The following CDPF1 variants were observed in gnomAD, a reference collection of about 807,000 sequenced individuals.
CDPF1 encodes cysteine rich DPF motif domain containing 1.
Under a neutral mutation model 8.3 loss-of-function variants are expected in CDPF1, and 8 were observed. The observed-to-expected ratio is 0.96, with a 90% confidence interval of 0.57 to 1.74. The LOEUF is 1.74. Ranked by LOEUF, CDPF1 falls within the 40% of genes most tolerant of loss-of-function variation. The pLI is 0.00. For missense variants in CDPF1, 151 were observed against 155.3 expected (o/e 0.97, Z 0.15); for synonymous variants, 62 against 62.9 (o/e 0.99, Z 0.07).
At chr22:46,250,064 C>A (rs1242545752) in intron 1 of CDPF1, among the ~76,000 whole-genome samples, 192 bp downstream of exon 1, 1 of 152,216 alleles carries the variant, frequency 6.6e-6, no homozygotes, top group African/African-American at 2.4e-5. Flanking sequence ...GGGGGACAGT[C>A]CCGTGAGGCC....
Position 46,249,864 on chromosome 22 carries a change from G to A in CDPF1, c.-1+392C>T, listed in dbSNP as rs1936550689. Reference sequence around the variant, plus strand: ...AGCGAGACTCTGTCTCAAAACAAAAGTTACGATCGATCGCGGGTGTGCGTG... The same window carrying A: ...AGCGAGACTCTGTCTCAAAACAAAAATTACGATCGATCGCGGGTGTGCGTG... On this transcript the variant is annotated intron_variant, in intron 1 of 3. Coordinates refer to ENST00000314567, the MANE Select transcript of CDPF1 (RefSeq NM_207327.5). This position sits in a 1 kb window ranked among gnomAD's most constrained non-coding sequence, Gnocchi z 4.6. Among the ~76,000 whole-genome samples the A allele has an allele frequency of 6.6e-6, 1 of 152,236 alleles. No homozygotes were observed. The highest frequency in any genetic ancestry group is 1.5e-5 in the Non-Finnish European group (1 of 68,008).
rs1462779481 is a variant in CDPF1 at position 46,249,872 on chromosome 22, C to A, written c.-1+384G>T. On this transcript the variant is annotated intron_variant, in intron 1 of 3. Transcript: ENST00000314567. This position sits in a 1 kb window ranked among gnomAD's most constrained non-coding sequence, Gnocchi z 4.6. ...TCTGTCTCAAAACAAAAGTTACGAT[C>A]GATCGCGGGTGTGCGTGAACCTGAT... 6.6e-6 allele frequency among the ~76,000 whole-genome samples: 1 copy of A among 152,134 alleles called. No homozygotes were observed. Among genetic ancestry groups the A allele is most frequent in the Non-Finnish European group, 1.5e-5 (1 of 68,024 alleles).
Position 46,249,601 on chromosome 22 carries a change from A to T in CDPF1, c.-1+655T>A, listed in dbSNP as rs938166161. 1.3e-5 allele frequency among the ~76,000 whole-genome samples: 2 copies of T among 152,168 alleles called. No homozygotes were observed. Among genetic ancestry groups the T allele is most frequent in the African/African-American group, 4.8e-5 (2 of 41,434 alleles). On this transcript the variant is annotated intron_variant, in intron 1 of 3. Transcript: ENST00000314567. The surrounding 1 kb of genome is among the most constrained non-coding windows in gnomAD (Gnocchi z 4.6). ...GAGGCGGAGATTGCAGTGAGCCGAG[A>T]TTGTGCCACTGTACTCCAGCCTGGG...
Position 46,246,762 on chromosome 22 carries a change from C to T in CDPF1, c.225+348G>A, listed in dbSNP as rs1289382813. 6.2e-7 allele frequency: 1 copy of T among 1,601,760 alleles called. No individual in the cohort carries two copies. Among genetic ancestry groups the T allele is most frequent in the South Asian group, 1.1e-5 (1 of 88,704 alleles). ...CACACAACAAGTGCTCATGAAAGGA[C>T]AGTCCCTTCTCCTGGAGATCCCTCC... On this transcript the variant is annotated intron_variant, in intron 3 of 3. Coordinates refer to ENST00000314567, the MANE Select transcript of CDPF1 (RefSeq NM_207327.5). This position sits in a 1 kb window ranked among gnomAD's most constrained non-coding sequence, Gnocchi z 7.1.
Position 46,247,370 on chromosome 22 carries a change from G to C in CDPF1, c.114-149C>G, listed in dbSNP as rs1279273945. On this transcript the variant is annotated intron_variant, in intron 2 of 3. Transcript: ENST00000314567. This position sits in a 1 kb window ranked among gnomAD's most constrained non-coding sequence, Gnocchi z 4.3. Reference sequence around the variant, plus strand: ...ATCAGGGCAGGGGACTAGGCCACCCGTGCTGCAGGGCAGTGACAGAAAGGA... The same window carrying C: ...ATCAGGGCAGGGGACTAGGCCACCCCTGCTGCAGGGCAGTGACAGAAAGGA... The C allele has an allele frequency of 3.2e-6, 2 of 625,148 alleles. No homozygotes were observed. Among genetic ancestry groups the C allele is most frequent in the Non-Finnish European group, 5.9e-6 (2 of 340,142 alleles). The allele number at this position is 625,148 out of a possible 1,614,324, so 38.7% of individuals were successfully genotyped here. A position where few individuals can be genotyped will look rare whatever the true frequency, so the allele number is the denominator to read the frequency against.
rs1935253450 is a variant in CDPF1, at chr22:46,246,160, C to A, written c.226-922G>T. On this transcript the variant is annotated intron_variant, in intron 3 of 3. Coordinates refer to ENST00000314567, the MANE Select transcript of CDPF1 (RefSeq NM_207327.5). This position sits in a 1 kb window ranked among gnomAD's most constrained non-coding sequence, Gnocchi z 7.1. Reference sequence around the variant, plus strand: ...GCCCTCCTGCAGTTCTTAGAAAAGACCCTTCGCCATGGAGATCCGCTCACT... The same window carrying A: ...GCCCTCCTGCAGTTCTTAGAAAAGAACCTTCGCCATGGAGATCCGCTCACT... 6.6e-6 allele frequency among the ~76,000 whole-genome samples: 1 copy of A among 152,196 alleles called. No individual in the cohort carries two copies. The highest frequency in any genetic ancestry group is 6.5e-5 in the Admixed American group (1 of 15,276).
rs768310866 is a variant in CDPF1, at chr22:46,245,050, C to T, written c.*42G>A. On this transcript the variant is annotated 3_prime_UTR_variant, in exon 4 of 4. Coordinates refer to ENST00000314567, the MANE Select transcript of CDPF1 (RefSeq NM_207327.5). This position sits in a 1 kb window ranked among gnomAD's most constrained non-coding sequence, Gnocchi z 6.9. ...TCCCTGGCGCAGGCTGGCCCAGGAG[C>T]TCTGTGCAGGGTGCCGCCCGATGAC... is the stretch of plus-strand genomic sequence containing the variant. 6.2e-7 allele frequency: 1 copy of T among 1,607,754 alleles called. No homozygotes were observed. Among genetic ancestry groups the T allele is most frequent in the South Asian group, 1.1e-5 (1 of 90,170 alleles).
At position 46,247,155 on chromosome 22, in the gene CDPF1, G is replaced by A. The variant is rs139000397; in HGVS notation, c.180C>T (p.Leu60=). The A allele has an allele frequency of 1.7e-4, 273 of 1,613,996 alleles. No homozygotes were observed. Among genetic ancestry groups the A allele is most frequent in the Non-Finnish European group, 2.1e-4 (243 of 1,179,982 alleles). ...FTSDKDRFLV[L]GSCCSLCSRL... is the part of the protein sequence containing the mutation. ...TGCTGCACAAACTGCAGCACGAGCC[G>A]AGGACCAGGAATCTGTCCTTGTCGG... Residue 60 remains leucine, a synonymous_variant, in exon 3 of 4, where the codon CTC becomes CTT. Transcript: ENST00000314567. The surrounding 1 kb of genome is among the most constrained non-coding windows in gnomAD (Gnocchi z 4.3).
chr22:46,245,300 AG>A lies in CDPF1; in HGVS notation c.226-63del. The A allele has an allele frequency of 6.3e-7, 1 of 1,577,686 alleles. No individual in the cohort carries two copies. Among genetic ancestry groups the A allele is most frequent in the Non-Finnish European group, 8.7e-7 (1 of 1,156,016 alleles). ...CTGGGAACATGGTGCAGCTCCTCCC[AG>A]GGGCCAGCCCTTCCCACACTTGGGG... On this transcript the variant is annotated intron_variant, in intron 3 of 3. Coordinates refer to ENST00000314567, the MANE Select transcript of CDPF1 (RefSeq NM_207327.5). This position sits in a 1 kb window ranked among gnomAD's most constrained non-coding sequence, Gnocchi z 6.9.
rs1338161655 is a variant in CDPF1 at position 46,245,155 on chromosome 22, T to C, written c.309A>G (p.Gln103=). The change falls in exon 4 of 4, where the codon CAA becomes CAG. Residue 103 remains glutamine, a synonymous_variant. Coordinates refer to ENST00000314567, the MANE Select transcript of CDPF1 (RefSeq NM_207327.5). The surrounding 1 kb of genome is among the most constrained non-coding windows in gnomAD (Gnocchi z 6.9). ...NINAFPQEIR[Q]DLEKRKAPSK... is the part of the protein sequence containing the mutation. Reference sequence around the variant, plus strand: ...ATGGAGCTTTCCTTTTCTCCAAGTCTTGCCGAATTTCCTGAGGAAAAGCAT... The same window carrying C: ...ATGGAGCTTTCCTTTTCTCCAAGTCCTGCCGAATTTCCTGAGGAAAAGCAT... 1.2e-6 allele frequency: 2 copies of C among 1,614,142 alleles called. No homozygotes were observed. Among genetic ancestry groups the C allele is most frequent in the Non-Finnish European group, 8.5e-7 (1 of 1,180,050 alleles).
In CDPF1 at chr22:46,244,841, T is replaced by C. The variant is rs895073416; in HGVS notation, c.*251A>G. 5 of 453,108 alleles carry C rather than the reference T, an allele frequency of 1.1e-5. No homozygotes were observed. The highest frequency in any genetic ancestry group is 8.6e-5 in the East Asian group (2 of 23,204). 28.1% of individuals were successfully genotyped at this position (453,108 alleles called of 1,614,324 possible). A position where few individuals can be genotyped will look rare whatever the true frequency, so the allele number is the denominator to read the frequency against. On this transcript the variant is annotated 3_prime_UTR_variant, in exon 4 of 4. Transcript: ENST00000314567. The surrounding 1 kb of genome is among the most constrained non-coding windows in gnomAD (Gnocchi z 6.7). ...ACTCAGGCCTGGGCCCTGAGGGGCATGTGGGGGGACCTGGCCGGGTTCCTG... is the reference window on the plus strand; with the variant it reads ...ACTCAGGCCTGGGCCCTGAGGGGCACGTGGGGGGACCTGGCCGGGTTCCTG...
chr22:46,248,899 G>T lies in CDPF1; in HGVS notation c.1-615C>A, dbSNP rs1193682498. On this transcript the variant is annotated intron_variant, in intron 1 of 3. Coordinates refer to ENST00000314567, the MANE Select transcript of CDPF1 (RefSeq NM_207327.5). This position sits in a 1 kb window ranked among gnomAD's most constrained non-coding sequence, Gnocchi z 4.1. ...CCAGGCGTGGTGGCGGGCGCCTATA[G>T]TCTCAGCTACATGGGAGTCTGAGGC... Among the ~76,000 whole-genome samples, 1 of 152,114 alleles carries T rather than the reference G, an allele frequency of 6.6e-6. No homozygotes were observed. The highest frequency in any genetic ancestry group is 2.4e-5 in the African/African-American group (1 of 41,408).
Position 46,248,073 on chromosome 22 carries a change from G to T in CDPF1, c.113+99C>A. ...GAGCCTGGCCAGGGTGGGGTCTAAA[G>T]CTCCACACCTGAGACAGTTGTCAGA... is the stretch of plus-strand genomic sequence containing the variant. On this transcript the variant is annotated intron_variant, in intron 2 of 3. Coordinates refer to ENST00000314567, the MANE Select transcript of CDPF1 (RefSeq NM_207327.5). The surrounding 1 kb of genome is among the most constrained non-coding windows in gnomAD (Gnocchi z 4.1). 2 of 762,778 alleles carry T rather than the reference G, an allele frequency of 2.6e-6. No individual in the cohort carries two copies. Among genetic ancestry groups the T allele is most frequent in the Non-Finnish European group, 4.3e-6 (2 of 461,334 alleles). 47.3% of individuals were successfully genotyped at this position (762,778 alleles called of 1,614,324 possible).
rs1936542121 is a variant in CDPF1 at position 46,249,413 on chromosome 22, C to T, written c.-1+843G>A. Among the ~76,000 whole-genome samples, 1 of 152,136 alleles carries T rather than the reference C, an allele frequency of 6.6e-6. No homozygotes were observed. The highest frequency in any genetic ancestry group is 2.4e-5 in the African/African-American group (1 of 41,430). On this transcript the variant is annotated intron_variant, in intron 1 of 3. Transcript: ENST00000314567. The surrounding 1 kb of genome is among the most constrained non-coding windows in gnomAD (Gnocchi z 4.6). ...CCTGTAATCCCAGCACTCTGGTAGC[C>T]AGAGGCGGGCGGATTACCTGAGGTC... is the stretch of plus-strand genomic sequence containing the variant.
Position 46,245,378 on chromosome 22 carries a change from AC to A in CDPF1, c.226-141del. On this transcript the variant is annotated intron_variant, in intron 3 of 3. Coordinates refer to ENST00000314567, the MANE Select transcript of CDPF1 (RefSeq NM_207327.5). The surrounding 1 kb of genome is among the most constrained non-coding windows in gnomAD (Gnocchi z 6.9). The stretch of plus-strand genomic sequence containing the variant: ...AGTGTGGGCAGGTGGCCAGAGCTAG[AC>A]CAGCAAGAGGGAGAGCCAGGCCTGA... 1.2e-6 allele frequency: 1 copy of A among 830,720 alleles called. No individual in the cohort carries two copies. Among genetic ancestry groups the A allele is most frequent in the Non-Finnish European group, 1.8e-6 (1 of 542,202 alleles). The allele number at this position is 830,720 out of a possible 1,614,324, so 51.5% of individuals were successfully genotyped here. A position where few individuals can be genotyped will look rare whatever the true frequency, so the allele number is the denominator to read the frequency against.
In CDPF1 at chr22:46,246,563, C is replaced by A; in HGVS notation, c.225+547G>T. 6.6e-6 allele frequency: 9 copies of A among 1,355,490 alleles called. No homozygotes were observed. Among genetic ancestry groups the A allele is most frequent in the Non-Finnish European group, 9.0e-6 (9 of 999,726 alleles). 84.0% of individuals were successfully genotyped at this position (1,355,490 alleles called of 1,614,324 possible). ...ACGCTGTGAAAGCCATGCTGCTCCACTTCCATCCGTCCTTGGGTTTACAGC... is the reference window on the plus strand; with the variant it reads ...ACGCTGTGAAAGCCATGCTGCTCCAATTCCATCCGTCCTTGGGTTTACAGC... On this transcript the variant is annotated intron_variant, in intron 3 of 3. Coordinates refer to ENST00000314567, the MANE Select transcript of CDPF1 (RefSeq NM_207327.5). The surrounding 1 kb of genome is among the most constrained non-coding windows in gnomAD (Gnocchi z 7.1).
At position 46,248,977 on chromosome 22, in the gene CDPF1, T is replaced by C. The variant is rs1936535039; in HGVS notation, c.1-693A>G. 6.6e-6 allele frequency among the ~76,000 whole-genome samples: 1 copy of C among 151,768 alleles called. No individual in the cohort carries two copies. Among genetic ancestry groups the C allele is most frequent in the Non-Finnish European group, 1.5e-5 (1 of 67,948 alleles). On this transcript the variant is annotated intron_variant, in intron 1 of 3. Transcript: ENST00000314567. The surrounding 1 kb of genome is among the most constrained non-coding windows in gnomAD (Gnocchi z 4.1). Reference sequence around the variant, plus strand: ...GAGCTTGCAGTGAGCCGAGATCGCGTCACTGCACTCCAGCCTGGGAGACAG... The same window carrying C: ...GAGCTTGCAGTGAGCCGAGATCGCGCCACTGCACTCCAGCCTGGGAGACAG...
At position 46,247,375 on chromosome 22, in the gene CDPF1, G is replaced by A. The variant is rs978431400; in HGVS notation, c.114-154C>T. Reference sequence around the variant, plus strand: ...GGCAGGGGACTAGGCCACCCGTGCTGCAGGGCAGTGACAGAAAGGATCAGC... The same window carrying A: ...GGCAGGGGACTAGGCCACCCGTGCTACAGGGCAGTGACAGAAAGGATCAGC... On this transcript the variant is annotated intron_variant, in intron 2 of 3. Coordinates refer to ENST00000314567, the MANE Select transcript of CDPF1 (RefSeq NM_207327.5). This position sits in a 1 kb window ranked among gnomAD's most constrained non-coding sequence, Gnocchi z 4.3. Among the ~76,000 whole-genome samples, 2 of 152,244 alleles carry A rather than the reference G, an allele frequency of 1.3e-5. No homozygotes were observed. Among genetic ancestry groups the A allele is most frequent in the Non-Finnish European group, 2.9e-5 (2 of 68,036 alleles).
At position 46,245,386 on chromosome 22, in the gene CDPF1, G is replaced by T; in HGVS notation, c.226-148C>A. Reference sequence around the variant, plus strand: ...CAGGTGGCCAGAGCTAGACCAGCAAGAGGGAGAGCCAGGCCTGAGGGCCTG... The same window carrying T: ...CAGGTGGCCAGAGCTAGACCAGCAATAGGGAGAGCCAGGCCTGAGGGCCTG... On this transcript the variant is annotated intron_variant, in intron 3 of 3. Transcript: ENST00000314567. This position sits in a 1 kb window ranked among gnomAD's most constrained non-coding sequence, Gnocchi z 6.9. 1.3e-6 allele frequency: 1 copy of T among 769,744 alleles called. No homozygotes were observed. Among genetic ancestry groups the T allele is most frequent in the Non-Finnish European group, 2.0e-6 (1 of 489,018 alleles). 47.7% of individuals were successfully genotyped at this position (769,744 alleles called of 1,614,324 possible).
Sources: allele counts gnomAD v4.1 joint callset (sites outside exome capture counted in the v4.1 genomes callset), GRCh38; gene constraint gnomAD v4.1.1; non-coding constraint Gnocchi (gnomAD v3.1); transcripts MANE v1.5; gene names NCBI Gene and HGNC (gene_info 2026-07-23, HGNC 2026-07-21).